Variants in SPNS2 observed in about 807,000 individuals in gnomAD.
SPNS2 encodes sphingosine-1-phosphate transporter SPNS2.
In SPNS2, 37 loss-of-function variants were observed where a neutral mutation model predicts 57.6. The observed-to-expected ratio is 0.64, with a 90% CI of 0.49 to 0.85. SPNS2 has a LOEUF of 0.85. Ranked by LOEUF, SPNS2 falls within the 40% of genes least tolerant of loss-of-function variation. The pLI is 0.00. For synonymous variants in SPNS2, 440 were observed against 346.9 expected, an observed-to-expected ratio of 1.27 and a Z score of -2.98; for missense variants, 831 against 779.1, an observed-to-expected ratio of 1.07 and a Z score of -0.79.
In SPNS2 at chr17:4,536,782, C is replaced by G. The variant is rs150766025; in HGVS notation, c.1608-118C>G. 6.9e-5 allele frequency: 57 copies of G among 823,370 alleles called. No individual in the cohort carries two copies. The African/African-American group carries it at 7.5e-4, about 11-fold the overall frequency. 51.0% of individuals were successfully genotyped at this position (823,370 alleles called of 1,614,324 possible). A position where few individuals can be genotyped will look rare whatever the true frequency, so the allele number is the denominator to read the frequency against. On this transcript the variant is annotated intron_variant, in intron 11 of 12. Transcript: ENST00000329078. The stretch of plus-strand genomic sequence containing the variant: ...CTCTCCCATCTCCCCCTGGGGCTGA[C>G]GAGGTCCCTGCCCAGCACCTCCGGT...
chr17:4,509,857 TCTGGGGTAGGAACCCCA>T (rs1904782581), intron 1 of SPNS2, among the ~76,000 whole-genome samples: 2 of 152,236 alleles, frequency 1.3e-5, no homozygotes, highest in African/African-American at 4.8e-5. Flanking sequence ...GGGGTCTGCA[TCTGGGGTAGGAACCCCA>T]CTTTGCATGC....
At chr17:4,523,279 A>G (rs1002098291) in intron 2 of SPNS2, among the ~76,000 whole-genome samples, 2 of 151,904 alleles carry the variant, frequency 1.3e-5, no homozygotes, top group African/African-American at 4.8e-5. Context: ...CTCTACTAAC[A>G]ATACAAAAAT....
chr17:4,529,506 C>CTACAAAAA (rs1286017616), intron 3 of SPNS2, among the ~76,000 whole-genome samples: 2 of 152,014 alleles, frequency 1.3e-5, no homozygotes, highest in Non-Finnish European at 2.9e-5. Context: ...AACCCCGTCT[C>CTACAAAAA]TACAAAAATT....
At chr17:4,513,075 G>C (rs1189956843) in intron 1 of SPNS2, among the ~76,000 whole-genome samples, 172 bp from the exon 2 acceptor site, 1 of 152,230 alleles carries the variant, frequency 6.6e-6, no homozygotes, top group Non-Finnish European at 1.5e-5. Flanking sequence ...GAGGTCCCCG[G>C]GGAGGCAGGA....
chr17:4,528,494 G>A (rs890985150), intron 3 of SPNS2, among the ~76,000 whole-genome samples: 6 of 151,628 alleles, frequency 4.0e-5, no homozygotes, highest in Non-Finnish European at 5.9e-5. Flanking sequence ...ACAGAGTTTC[G>A]CTCTTTCACC....
chr17:4,534,830 A>C (rs185003102), intron 9 of SPNS2, among the ~76,000 whole-genome samples: 102 of 152,170 alleles, frequency 6.7e-4, no homozygotes, highest in African/African-American at 2.3e-3. Flanking sequence ...GAGTCCGTGC[A>C]GATTAAGTGC....
intron 12 of SPNS2, 23 bp downstream of exon 12, chr17:4,536,969 G>A (rs771223994): frequency 1.4e-5 from 22 of 1,610,560 alleles, no homozygotes; most frequent in Middle Eastern, 1.7e-4. Flanking sequence ...CGGGAGGCAC[G>A]TGGGGGCTCC....
At chr17:4,528,169 CGCG>C (rs1364622436) in intron 3 of SPNS2, among the ~76,000 whole-genome samples, 1 of 151,400 alleles carries the variant, frequency 6.6e-6, no homozygotes, top group Non-Finnish European at 1.5e-5. Context: ...ATTACAGGCA[CGCG>C]CCACCACACC....
Position 4,530,733 on chromosome 17 carries a change from C to A in SPNS2, c.675C>A (p.Asn225Lys), listed in dbSNP as rs1050755851. 1.2e-6 allele frequency: 2 copies of A among 1,614,098 alleles called. No homozygotes were observed. Among genetic ancestry groups the A allele is most frequent in the Non-Finnish European group, 1.7e-6 (2 of 1,179,974 alleles). The change falls in exon 4 of 13, where the codon AAC becomes AAA. Residue 225 changes from asparagine to lysine, a missense_variant. Asn to Lys is a moderately conservative substitution (Grantham distance 94). Transcript: ENST00000329078. ...TCATTGGCGACCTCTTCACCAAGAA[C>A]ACGCGTACGCTCATGCTGTCCGTCT... ...PTIIGDLFTK[N>K]TRTLMLSVFY...
chr17:4,533,139 CG>C lies in SPNS2; in HGVS notation c.1088+11del. The C allele has an allele frequency of 6.2e-7, 1 of 1,602,588 alleles. No individual in the cohort carries two copies. The highest frequency in any genetic ancestry group is 1.7e-4 in the Middle Eastern group (1 of 6,040). On this transcript the variant is annotated intron_variant, in intron 7 of 12. Transcript: ENST00000329078. ...GTGGGGCCAAGGACAGGTGGGGCCC[CG>C]CGGGGTGGGCCCAGGGCTGGTGAGG...
At chr17:4,520,997 C>T (rs901312362) in intron 2 of SPNS2, among the ~76,000 whole-genome samples, 19 of 152,170 alleles carry the variant, frequency 1.2e-4, no homozygotes, top group African/African-American at 4.3e-4. Context: ...GTTTATATTT[C>T]AGCGTATATT....
Position 4,533,357 on chromosome 17 carries a change from C to T in SPNS2, c.1203C>T (p.Ala401=), listed in dbSNP as rs368575783. 564 of 1,611,572 alleles carry T rather than the reference C, an allele frequency of 3.5e-4. No individual in the cohort carries two copies. Among genetic ancestry groups the T allele is most frequent in the Non-Finnish European group, 4.5e-4 (532 of 1,179,600 alleles). Residue 401 remains alanine (A), a synonymous_variant, in exon 8 of 13, where the codon GCC becomes GCT. Coordinates refer to ENST00000329078, the MANE Select transcript of SPNS2 (RefSeq NM_001124758.3). ...AGCGGGCCGACCCACTGGTGTGTGCCGTGGGCATGCTGGGCTCTGCCATCT... is the reference window on the plus strand; with the variant it reads ...AGCGGGCCGACCCACTGGTGTGTGCTGTGGGCATGCTGGGCTCTGCCATCT... The part of the protein sequence containing the change: ...KTQRADPLVC[A]VGMLGSAIFI...
At chr17:4,515,222 T>G (rs944409990) in intron 2 of SPNS2, among the ~76,000 whole-genome samples, 3 of 152,300 alleles carry the variant, frequency 2.0e-5, no homozygotes, top group Admixed American at 6.5e-5. Flanking sequence ...GTGGCCTGGC[T>G]GGAGGTGGAC....
chr17:4,536,431 G>GT lies in SPNS2; in HGVS notation c.1607+6dup, dbSNP rs372636564. On this transcript the variant is annotated splice_donor_region_variant and intron_variant, in intron 11 of 12. Coordinates refer to ENST00000329078, the MANE Select transcript of SPNS2 (RefSeq NM_001124758.3). ...CCGCGCCAGGGCTGAGCAGCAGTGA[G>GT]TGGGGGGGAGGGGAGGCCCTGCTGC... The GT allele has an allele frequency of 6.2e-3, 9,596 of 1,556,276 alleles. 424 individuals are homozygous for GT. The African/African-American group carries it at 0.11, about 18-fold the overall frequency.
Position 4,538,938 on chromosome 17 carries a change from C to T in SPNS2, c.*1490C>T, listed in dbSNP as rs1421667105. ...CTTCCTTCCGGAAGCCAAACTGCTC[C>T]TTTATTTTTTAGAGCTGCTGATTGT... On this transcript the variant is annotated 3_prime_UTR_variant, in exon 13 of 13. Transcript: ENST00000329078. 2 of 783,668 alleles carry T rather than the reference C, an allele frequency of 2.6e-6. No homozygotes were observed. Among genetic ancestry groups the T allele is most frequent in the South Asian group, 1.3e-5 (1 of 74,664 alleles). The allele number at this position is 783,668 out of a possible 1,614,324, so 48.5% of individuals were successfully genotyped here.
chr17:4,514,019 G>A lies in SPNS2; in HGVS notation c.436+707G>A, dbSNP rs371839831. Among the ~76,000 whole-genome samples the A allele has an allele frequency of 1.2e-3, 179 of 152,334 alleles. 1 individual carries two copies. Among genetic ancestry groups the A allele is most frequent in the Non-Finnish European group, 1.7e-3 (118 of 68,010 alleles). ...CCACCAGCCCCTCCCTCCAGGGAGCGTGCCTCCCTTGTCCCTGCCTTCCCC... is the reference window on the plus strand; with the variant it reads ...CCACCAGCCCCTCCCTCCAGGGAGCATGCCTCCCTTGTCCCTGCCTTCCCC... On this transcript the variant is annotated intron_variant, in intron 2 of 12. Transcript: ENST00000329078.
chr17:4,533,582 CCACA>C lies in SPNS2; in HGVS notation c.1278+155_1278+158del. The C allele has an allele frequency of 2.9e-6, 3 of 1,017,288 alleles. No individual in the cohort carries two copies. The South Asian group carries it at 4.8e-5, about 16-fold the overall frequency. The allele number at this position is 1,017,288 out of a possible 1,614,324, so 63.0% of individuals were successfully genotyped here. A position where few individuals can be genotyped will look rare whatever the true frequency, so the allele number is the denominator to read the frequency against. On this transcript the variant is annotated intron_variant, in intron 8 of 12. Transcript: ENST00000329078. ...CTGCCCCTGCTCATCCCCAGCCTGGCCACACACAGCCTGTCCAGGGCCTCTGGGT... is the reference window on the plus strand; with the variant it reads ...CTGCCCCTGCTCATCCCCAGCCTGGCCACAGCCTGTCCAGGGCCTCTGGGT...
At chr17:4,535,684 G>C (rs1007056393) in intron 9 of SPNS2, among the ~76,000 whole-genome samples, 1 of 152,172 alleles carries the variant, frequency 6.6e-6, no homozygotes, top group African/African-American at 2.4e-5. Context: ...ACTGCATGTA[G>C]CTGGGAGGGA....
intron 3 of SPNS2, among the ~76,000 whole-genome samples, chr17:4,525,970 C>G (rs9900322): frequency 0.23 from 35,329 of 152,008 alleles, 4,445 homozygotes; most frequent in African/African-American, 0.31. Flanking sequence ...CAATCACATG[C>G]CGGCTGCTAT....
Sources: allele counts gnomAD v4.1 joint callset (sites outside exome capture counted in the v4.1 genomes callset), GRCh38; gene constraint gnomAD v4.1.1; transcripts MANE v1.5; gene names NCBI Gene and HGNC (gene_info 2026-07-23, HGNC 2026-07-21).